FARS2: variants seen among roughly 807,000 people sequenced by gnomAD.
The protein encoded by FARS2 is phenylalanine--tRNA ligase, mitochondrial.
In FARS2, 40 loss-of-function variants were observed where a neutral mutation model predicts 46.4. That is an observed-to-expected ratio of 0.86 (90% confidence interval 0.67 to 1.12). The LOEUF is 1.12. FARS2 is among the 50% of genes most tolerant of loss of function. The pLI is 0.00. For synonymous variants in FARS2, 234 were observed against 214.9 expected (o/e 1.09, Z -0.78); for missense variants, 513 against 567.9 (o/e 0.90, Z 0.98).
intron 1 of FARS2, among the ~76,000 whole-genome samples, chr6:5,288,510 T>G (rs1413201379): frequency 6.6e-6 from 1 of 152,214 alleles, no homozygotes; most frequent in Non-Finnish European, 1.5e-5. Flanking sequence ...ACTGTACGAA[T>G]CACCAAATAT....
chr6:5,516,385 C>A (rs1768796283), intron 4 of FARS2, among the ~76,000 whole-genome samples: 1 of 152,116 alleles, frequency 6.6e-6, no homozygotes, highest in South Asian at 2.1e-4. Context: ...CAACAACAAC[C>A]AAAAGGGTTT....
intron 6 of FARS2, among the ~76,000 whole-genome samples, chr6:5,642,512 A>G (rs1469766624): frequency 2.0e-5 from 3 of 152,230 alleles, no homozygotes; most frequent in African/African-American, 7.2e-5. Flanking sequence ...TTCTTTCTCC[A>G]TCTAAAGCAG....
intron 2 of FARS2, among the ~76,000 whole-genome samples, chr6:5,399,591 A>T (rs963065391): frequency 6.6e-6 from 1 of 151,816 alleles, no homozygotes; most frequent in Non-Finnish European, 1.5e-5. Flanking sequence ...CCATTCAACC[A>T]TTTTTTCCAT....
At chr6:5,441,096 A>G (rs1763820195) in intron 4 of FARS2, among the ~76,000 whole-genome samples, 2 of 151,684 alleles carry the variant, frequency 1.3e-5, no homozygotes, top group African/African-American at 4.8e-5. Context: ...TAATTTTTGT[A>G]TTTTTAGTAG....
In FARS2 at chr6:5,618,023, C is replaced by G. The variant is rs2032424703; in HGVS notation, c.1217+4703C>G. 2.0e-5 allele frequency among the ~76,000 whole-genome samples: 3 copies of G among 152,134 alleles called. No homozygotes were observed. The South Asian group carries it at 6.2e-4, about 31-fold the overall frequency. ...TGTGAATATTTTTGACGTTGTGGGT[C>G]ATAAGATTTCTCTCGTAACTACTCA... On this transcript the variant is annotated intron_variant, in intron 6 of 6. Transcript: ENST00000274680.
At chr6:5,472,420 A>G (rs1339803860) in intron 4 of FARS2, among the ~76,000 whole-genome samples, 1 of 152,156 alleles carries the variant, frequency 6.6e-6, no homozygotes, top group African/African-American at 2.4e-5. Context: ...GGTGAGAGCA[A>G]AGGGGAATGA....
intron 4 of FARS2, among the ~76,000 whole-genome samples, chr6:5,495,903 C>T (rs1016043831): frequency 6.6e-6 from 1 of 152,166 alleles, no homozygotes; most frequent in Non-Finnish European, 1.5e-5. Context: ...GGCTGATGGA[C>T]CATGATCCTA....
chr6:5,593,446 A>G (rs926577643), intron 5 of FARS2, among the ~76,000 whole-genome samples: 2 of 152,186 alleles, frequency 1.3e-5, no homozygotes, highest in Non-Finnish European at 2.9e-5. Context: ...CTCCAACTGA[A>G]ATGATGAGCC....
intron 4 of FARS2, among the ~76,000 whole-genome samples, chr6:5,512,789 C>T (rs1768536068): frequency 6.6e-6 from 1 of 152,068 alleles, no homozygotes; most frequent in African/African-American, 2.4e-5. Flanking sequence ...AAGTAGGTGA[C>T]AGGAACTGTG....
At chr6:5,690,349 G>C (rs9378438) in intron 6 of FARS2, among the ~76,000 whole-genome samples, 145,106 of 151,890 alleles carry the variant, frequency 0.96, 69,393 homozygotes, top group African/African-American at 0.99. Flanking sequence ...TTGTTCCTTT[G>C]CATGTTTAGT....
rs149375102 is a variant in FARS2 at position 5,537,950 on chromosome 6, C to T, written c.905-7230C>T. On this transcript the variant is annotated intron_variant, in intron 4 of 6. Coordinates refer to ENST00000274680, the MANE Select transcript of FARS2 (RefSeq NM_006567.5). ...TTGCTTCTGTGCATAGGCTCGCCCT[C>T]TTAGGAAGATTTTCAACAATTATAA... is the stretch of plus-strand genomic sequence containing the variant. 6.1e-3 allele frequency among the ~76,000 whole-genome samples: 929 copies of T among 152,098 alleles called. 10 individuals are homozygous for T. Among genetic ancestry groups the T allele is most frequent in the East Asian group, 9.1e-3 (47 of 5,166 alleles).
chr6:5,256,134 T>G (rs146749809), upstream of FARS2, among the ~76,000 whole-genome samples: 507 of 152,060 alleles, frequency 3.3e-3, 5 homozygotes, highest in African/African-American at 0.011. Context: ...ACGGATGCTA[T>G]TCTAGGGAAC....
intron 6 of FARS2, among the ~76,000 whole-genome samples, chr6:5,686,663 A>T (rs1479437495): frequency 6.6e-6 from 1 of 152,248 alleles, no homozygotes; most frequent in African/African-American, 2.4e-5. Flanking sequence ...CAATAAACAT[A>T]CATGTGCATG....
At position 5,454,636 on chromosome 6, in the gene FARS2, G is replaced by A. The variant is rs1174414306; in HGVS notation, c.904+23464G>A. ...TGGGATTGCAGGCGTGAGCCACTGA[G>A]CCTGGCCTTGTTTTTTAAGGAATAA... On this transcript the variant is annotated intron_variant, in intron 4 of 6. Transcript: ENST00000274680. Among the ~76,000 whole-genome samples, 6 of 152,164 alleles carry A rather than the reference G, an allele frequency of 3.9e-5. No individual in the cohort carries two copies. In the East Asian group the frequency reaches 5.8e-4, roughly 15 times the overall value.
At chr6:5,305,298 C>T (rs757314709) in intron 1 of FARS2, among the ~76,000 whole-genome samples, 4 of 152,172 alleles carry the variant, frequency 2.6e-5, no homozygotes, top group African/African-American at 9.7e-5. Context: ...CCTAAAATGT[C>T]TAGCACATTG....
intron 1 of FARS2, among the ~76,000 whole-genome samples, chr6:5,366,640 GA>G (rs1170827203): frequency 1.3e-5 from 2 of 152,162 alleles, no homozygotes; most frequent in Non-Finnish European, 2.9e-5. Context: ...ACATCCCTGG[GA>G]ATGGAACCCA....
At chr6:5,679,453 A>G (rs1778921264) in intron 6 of FARS2, among the ~76,000 whole-genome samples, 1 of 152,014 alleles carries the variant, frequency 6.6e-6, no homozygotes, top group South Asian at 2.1e-4. Context: ...GGGGTTATTT[A>G]TGTCCTCCTG....
At chr6:5,651,893 G>C (rs1160451210) in intron 6 of FARS2, among the ~76,000 whole-genome samples, 1 of 152,116 alleles carries the variant, frequency 6.6e-6, no homozygotes, top group Non-Finnish European at 1.5e-5. Context: ...CTCATAGCCA[G>C]CATACCACGC....
At chr6:5,326,515 T>A (rs965720) in intron 1 of FARS2, among the ~76,000 whole-genome samples, 21,846 of 152,144 alleles carry the variant, frequency 0.14, 2,173 homozygotes, top group African/African-American at 0.28. Context: ...CCTACAGGTA[T>A]TTAGCCAGGG....
Sources: gnomAD v4.1 joint callset for allele counts (sites outside exome capture counted in the v4.1 genomes callset) on GRCh38, gnomAD v4.1.1 for gene constraint, MANE v1.5 for transcripts, NCBI Gene and HGNC (gene_info 2026-07-23, HGNC 2026-07-21) for gene names.